The following XPO4 variants were observed in gnomAD, a reference collection of about 807,000 sequenced individuals.
The protein encoded by XPO4 is exportin-4.
A neutral mutation model predicts 143.0 loss-of-function variants in XPO4; 39 were observed. The ratio of observed to expected loss-of-function variants is 0.27; its 90% CI spans 0.21 to 0.36. The LOEUF is 0.36. XPO4 is among the 10% of genes least tolerant of loss of function. The pLI is 1.00. For synonymous variants in XPO4, 439 were observed against 474.0 expected (o/e 0.93, Z 0.96); for missense variants, 907 against 1,348.0 (o/e 0.67, Z 5.12).
At chr13:20,879,322 G>C in intron 1 of XPO4, 1 of 985,138 alleles carries the variant, frequency 1.0e-6, no homozygotes, top group Non-Finnish European at 1.2e-6. Flanking sequence ...AAAGAAGGGA[G>C]AAGGGAGGGA....
intron 1 of XPO4, among the ~76,000 whole-genome samples, chr13:20,877,802 A>T (rs2060367228): frequency 6.6e-6 from 1 of 152,248 alleles, no homozygotes. Context: ...GTAAAAATGG[A>T]TATTAAACAT....
chr13:20,795,002 G>T (rs879526718), intron 18 of XPO4, among the ~76,000 whole-genome samples: 1 of 100,532 alleles, frequency 9.9e-6, no homozygotes, highest in East Asian at 2.5e-4. Context: ...CGTTGCCCAA[G>T]AATTTAAAAA....
chr13:20,836,379 TGC>T (rs2059917060), intron 6 of XPO4, among the ~76,000 whole-genome samples: 1 of 152,236 alleles, frequency 6.6e-6, no homozygotes, highest in African/African-American at 2.4e-5. Context: ...CATCTATCTT[TGC>T]TTTCCAAACA....
At chr13:20,799,101 C>T (rs1327612761) in intron 16 of XPO4, 64 bp downstream of exon 16, 21 of 1,411,802 alleles carry the variant, frequency 1.5e-5, no homozygotes, top group South Asian at 4.9e-5. Flanking sequence ...CTTACGGCAA[C>T]GCATAGATAA....
At chr13:20,791,283 A>G (rs993403235) in intron 18 of XPO4, among the ~76,000 whole-genome samples, 1 of 152,210 alleles carries the variant, frequency 6.6e-6, no homozygotes, top group Non-Finnish European at 1.5e-5. Flanking sequence ...ATTAAAAATA[A>G]TTTGTAAAAA....
At chr13:20,807,221 A>T (rs1231918674) in intron 13 of XPO4, among the ~76,000 whole-genome samples, 1 of 152,128 alleles carries the variant, frequency 6.6e-6, no homozygotes, top group African/African-American at 2.4e-5. Context: ...TATTCAGAAT[A>T]ATTTGACATT....
Position 20,779,800 on chromosome 13 carries a change from T to G in XPO4, c.*3922A>C, listed in dbSNP as rs1250792151. On this transcript the variant is annotated 3_prime_UTR_variant, in exon 23 of 23. Transcript: ENST00000255305. ...GGTTAACTATGTCATGGGTTCTCAC[T>G]ATAATCAACAAAGCATACTTCATAT... 6.5e-6 allele frequency: 1 copy of G among 152,678 alleles called. No homozygotes were observed. Among genetic ancestry groups the G allele is most frequent in the Non-Finnish European group, 1.5e-5 (1 of 68,036 alleles). 9.5% of individuals were successfully genotyped at this position (152,678 alleles called of 1,614,324 possible).
At chr13:20,841,103 G>A (rs1402973809) in intron 6 of XPO4, among the ~76,000 whole-genome samples, 1 of 152,138 alleles carries the variant, frequency 6.6e-6, no homozygotes, top group African/African-American at 2.4e-5. Context: ...CCTTAAAACA[G>A]ACACTTTAAA....
chr13:20,853,937 C>A (rs2060115454), intron 4 of XPO4, among the ~76,000 whole-genome samples: 1 of 152,040 alleles, frequency 6.6e-6, no homozygotes, highest in Non-Finnish European at 1.5e-5. Context: ...AAATTTGCCA[C>A]AAAAATGGCA....
chr13:20,822,336 A>G (rs1291058566), intron 7 of XPO4, 47 bp from the exon 8 acceptor site: 7 of 1,557,622 alleles, frequency 4.5e-6, no homozygotes, highest in East Asian at 2.3e-5. Flanking sequence ...CTTCCTTTGT[A>G]AGGGTCACGT....
At chr13:20,813,787 G>A (rs771399592) in intron 9 of XPO4, among the ~76,000 whole-genome samples, 46 of 151,932 alleles carry the variant, frequency 3.0e-4, no homozygotes, top group Non-Finnish European at 6.0e-4. Flanking sequence ...GCGAAACTCC[G>A]TCTCTACTAA....
In XPO4 at chr13:20,799,258, C is replaced by A; in HGVS notation, c.2229G>T (p.Leu743Phe). 6.2e-7 allele frequency: 1 copy of A among 1,614,020 alleles called. No individual in the cohort carries two copies. The highest frequency in any genetic ancestry group is 8.5e-7 in the Non-Finnish European group (1 of 1,179,954). Reference sequence around the variant, plus strand: ...TCAATGTCCTCTGCACAGGACTTGACAAGAAATTAAGAGGTGGGCTTCGGC... The same window carrying A: ...TCAATGTCCTCTGCACAGGACTTGAAAAGAAATTAAGAGGTGGGCTTCGGC... ...FASRSPPLNFLSSPVQRTLMK... is the reference protein window; with the variant it reads ...FASRSPPLNFFSSPVQRTLMK... The change falls in exon 16 of 23, where the codon TTG (leucine) becomes TTT (phenylalanine). Residue 743 changes from leucine to phenylalanine, a missense_variant. Leu to Phe is a conservative substitution (Grantham distance 22). Coordinates refer to ENST00000255305, the MANE Select transcript of XPO4 (RefSeq NM_022459.5).
At chr13:20,901,637 T>G (rs944691719) in intron 1 of XPO4, among the ~76,000 whole-genome samples, 2 of 152,198 alleles carry the variant, frequency 1.3e-5, no homozygotes, top group Non-Finnish European at 2.9e-5. Context: ...AACAAAAATA[T>G]CTGGTGTAAA....
chr13:20,850,906 T>C, intron 4 of XPO4: 1 of 985,390 alleles, frequency 1.0e-6, no homozygotes, highest in Non-Finnish European at 1.2e-6. Flanking sequence ...AGTTATCTAA[T>C]TTAATGGTTC....
chr13:20,840,281 C>T (rs1286898457), intron 6 of XPO4, among the ~76,000 whole-genome samples: 5 of 152,146 alleles, frequency 3.3e-5, no homozygotes, highest in African/African-American at 9.6e-5. Flanking sequence ...GATCATGGCT[C>T]ACTGTAGCTT....
chr13:20,826,267 T>C (rs919851380), intron 7 of XPO4, among the ~76,000 whole-genome samples: 6 of 152,204 alleles, frequency 3.9e-5, no homozygotes, highest in Non-Finnish European at 5.9e-5. Flanking sequence ...AAGAGGACTG[T>C]CTAAAGTTAT....
intron 9 of XPO4, among the ~76,000 whole-genome samples, chr13:20,814,192 CA>C (rs35203359): frequency 0.29 from 28,545 of 97,790 alleles, 3,527 homozygotes; most frequent in East Asian, 0.75. Context: ...ACCCAGTCTC[CA>C]AAAAAAAAAA....
intron 21 of XPO4, 69 bp from the exon 22 acceptor site, chr13:20,787,126 CA>C (rs1566553412): frequency 4.7e-6 from 6 of 1,285,584 alleles, no homozygotes; most frequent in South Asian, 2.9e-5. Flanking sequence ...CTCCCCAGTC[CA>C]AAAAAGAAGA....
chr13:20,821,273 T>C (rs2059716096), intron 9 of XPO4, among the ~76,000 whole-genome samples: 1 of 150,202 alleles, frequency 6.7e-6, no homozygotes. Flanking sequence ...AAATTATGTT[T>C]ACATAATTGC....
Sources: allele counts gnomAD v4.1 joint callset (sites outside exome capture counted in the v4.1 genomes callset), GRCh38; gene constraint gnomAD v4.1.1; transcripts MANE v1.5; gene names NCBI Gene and HGNC (gene_info 2026-07-23, HGNC 2026-07-21).